The following BEND6 variants were observed in gnomAD, a reference collection of about 807,000 sequenced individuals.
BEND6 encodes BEN domain containing 6.
BEND6 carries 24 observed loss-of-function variants against 31.8 expected under a neutral mutation model. The ratio of observed to expected loss-of-function variants is 0.75; its 90% CI spans 0.55 to 1.06. The LOEUF is 1.06. Among genes scored for constraint, BEND6 ranks in the 50% least tolerant of loss-of-function variants. BEND6 has a pLI of 0.00. For synonymous variants in BEND6, 109 were observed against 114.6 expected (o/e 0.95, Z 0.31); for missense variants, 294 against 327.4 (o/e 0.90, Z 0.79).
chr6:56,970,972 CACATA>C (rs924254886), intron 1 of BEND6, among the ~76,000 whole-genome samples: 1 of 152,146 alleles, frequency 6.6e-6, no homozygotes, highest in Non-Finnish European at 1.5e-5. Flanking sequence ...TGGTAAAACA[CACATA>C]ACATAAAATT....
chr6:56,983,463 C>T (rs1826139712), intron 2 of BEND6, among the ~76,000 whole-genome samples: 2 of 152,182 alleles, frequency 1.3e-5, no homozygotes, highest in African/African-American at 4.8e-5. Flanking sequence ...TTTCTCTCCT[C>T]TAAGCCCCAT....
chr6:56,975,742 C>A, intron 1 of BEND6: 2 of 511,950 alleles, frequency 3.9e-6, no homozygotes, highest in South Asian at 3.2e-5. Context: ...TCAATTGGTC[C>A]AGGATTATGA....
At chr6:56,974,214 G>A (rs1825796116) in intron 1 of BEND6, among the ~76,000 whole-genome samples, 1 of 152,046 alleles carries the variant, frequency 6.6e-6, no homozygotes, top group Admixed American at 6.6e-5. Flanking sequence ...TAAGTCAATG[G>A]AGAAAAAGGA....
chr6:57,006,453 G>A (rs1175313271), intron 3 of BEND6, among the ~76,000 whole-genome samples: 2 of 152,202 alleles, frequency 1.3e-5, no homozygotes, highest in Non-Finnish European at 2.9e-5. Context: ...TAGTCATGTA[G>A]TGAGTCCTGC....
chr6:56,959,510 G>A (rs1419645440), intron 1 of BEND6, among the ~76,000 whole-genome samples: 4 of 152,140 alleles, frequency 2.6e-5, no homozygotes, highest in Non-Finnish European at 5.9e-5. Flanking sequence ...TTTTGGCCTG[G>A]TAACTTCCTT....
intron 1 of BEND6, among the ~76,000 whole-genome samples, chr6:56,967,688 TGG>T (rs766745027): frequency 1.3e-5 from 2 of 152,076 alleles, no homozygotes; most frequent in Non-Finnish European, 2.9e-5. Flanking sequence ...CCAGTCTCTG[TGG>T]GAATGGTACT....
intron 1 of BEND6, among the ~76,000 whole-genome samples, chr6:56,972,086 CTTTTTTTTTTTTT>C (rs35524907): frequency 1.6e-5 from 1 of 62,532 alleles, no homozygotes; most frequent in Non-Finnish European, 2.8e-5. Flanking sequence ...ACTTTACTTT[CTTTTTTTTTTTTT>C]TTTTTTTTTT....
chr6:57,011,196 G>T (rs1231877989), intron 3 of BEND6, among the ~76,000 whole-genome samples: 1 of 152,210 alleles, frequency 6.6e-6, no homozygotes, highest in African/African-American at 2.4e-5. Flanking sequence ...AATGGAGATT[G>T]TTGTTACTGA....
intron 1 of BEND6, among the ~76,000 whole-genome samples, chr6:56,968,685 G>A (rs78463359): frequency 0.12 from 17,930 of 151,886 alleles, 1,364 homozygotes; most frequent in Middle Eastern, 0.2. Flanking sequence ...TAACAGTTTG[G>A]CAGCATTGTC....
chr6:56,992,869 A>C (rs1465858630), intron 3 of BEND6, among the ~76,000 whole-genome samples: 3 of 151,662 alleles, frequency 2.0e-5, no homozygotes, highest in Non-Finnish European at 2.9e-5. Flanking sequence ...CTAGAGACAA[A>C]AGATTATTAA....
chr6:56,992,585 T>A, intron 3 of BEND6, 30 bp downstream of exon 3: 1 of 1,590,010 alleles, frequency 6.3e-7, no homozygotes, highest in Non-Finnish European at 8.6e-7. Flanking sequence ...ACATTTTAGA[T>A]AAAAGGGAAA....
intron 1 of BEND6, among the ~76,000 whole-genome samples, chr6:56,957,392 T>C (rs1825124936): frequency 6.6e-6 from 1 of 152,268 alleles, no homozygotes; most frequent in East Asian, 1.9e-4. Context: ...TCCATTGTTA[T>C]TTTCTGATTT....
At chr6:56,965,676 T>TTA (rs35074783) in intron 1 of BEND6, among the ~76,000 whole-genome samples, 15,866 of 136,310 alleles carry the variant, frequency 0.12, 1,029 homozygotes, top group African/African-American at 0.19. Flanking sequence ...ACAAAAAAAT[T>TTA]TATATATATA....
At chr6:56,964,237 G>C (rs956869142) in intron 1 of BEND6, among the ~76,000 whole-genome samples, 1 of 151,972 alleles carries the variant, frequency 6.6e-6, no homozygotes, top group South Asian at 2.1e-4. Flanking sequence ...GACCTGCTTT[G>C]TAAGGGTTTC....
chr6:56,980,755 A>G (rs1826037467), intron 1 of BEND6, among the ~76,000 whole-genome samples: 1 of 152,216 alleles, frequency 6.6e-6, no homozygotes, highest in African/African-American at 2.4e-5. Context: ...GTGACAATGT[A>G]ATTTGGTAAG....
At chr6:57,007,633 T>C (rs1246626505) in intron 3 of BEND6, among the ~76,000 whole-genome samples, 1 of 147,476 alleles carries the variant, frequency 6.8e-6, no homozygotes, top group Admixed American at 6.8e-5. Flanking sequence ...AAAAAACAAA[T>C]TTTTTTTTTT....
intron 2 of BEND6, among the ~76,000 whole-genome samples, chr6:56,988,066 G>A (rs1826347898): frequency 6.7e-6 from 1 of 149,978 alleles, no homozygotes; most frequent in East Asian, 1.9e-4. Flanking sequence ...GCCCAGACTG[G>A]AGTGCAGTGG....
At chr6:56,993,256 A>T (rs538774329) in intron 3 of BEND6, among the ~76,000 whole-genome samples, 2 of 152,240 alleles carry the variant, frequency 1.3e-5, no homozygotes, top group Non-Finnish European at 2.9e-5. Flanking sequence ...GTTAAGCACT[A>T]TATATTTTTT....
At position 56,981,934 on chromosome 6, in the gene BEND6, G is replaced by T; in HGVS notation, c.120+4G>T. On this transcript the variant is annotated splice_donor_region_variant and intron_variant, in intron 2 of 6. Coordinates refer to ENST00000370746, the MANE Select transcript of BEND6 (RefSeq NM_152731.3). ...TAGTGACATGGATAAAGGACAGGTT[G>T]GTTTTTTGTTACCTTGACTCAACTT... 1.9e-6 allele frequency: 3 copies of T among 1,597,330 alleles called. No individual in the cohort carries two copies. The highest frequency in any genetic ancestry group is 2.3e-5 in the East Asian group (1 of 43,746).
Sources: gnomAD v4.1 joint callset for allele counts (sites outside exome capture counted in the v4.1 genomes callset) on GRCh38, gnomAD v4.1.1 for gene constraint, MANE v1.5 for transcripts, NCBI Gene and HGNC (gene_info 2026-07-23, HGNC 2026-07-21) for gene names.